SGCA: variants seen among roughly 807,000 people sequenced by gnomAD.
SGCA encodes the protein sarcoglycan alpha, also known as alpha-sarcoglycan.
Under a neutral mutation model 38.1 loss-of-function variants are expected in SGCA, and 34 were observed. The ratio of observed to expected loss-of-function variants is 0.89; its 90% confidence interval spans 0.68 to 1.19. The LOEUF is 1.19. SGCA is among the 50% of genes most tolerant of loss of function. The probability of loss-of-function intolerance (pLI) is 0.00; values close to 1 mark genes in which losing one functional copy is unlikely to be tolerated. For missense variants in SGCA, 476 were observed against 524.9 expected, an observed-to-expected ratio of 0.91 and a Z score of 0.91; for synonymous variants, 209 against 214.6, an observed-to-expected ratio of 0.97 and a Z score of 0.23.
At position 50,167,353 on chromosome 17, in the gene SGCA, G is replaced by T; in HGVS notation, c.38-15G>T. On this transcript the variant is annotated splice_polypyrimidine_tract_variant and intron_variant, in intron 1 of 9. Transcript: ENST00000262018. This position sits in a 1 kb window ranked among gnomAD's most constrained non-coding sequence, Gnocchi z 4.5. ...AGGCTGGCCTGTGTGTTTGGGACTT[G>T]TGGGGTCCCCACAGTTCTCCTGGCA... 1 of 1,614,032 alleles carries T rather than the reference G, an allele frequency of 6.2e-7. No homozygotes were observed. The highest frequency in any genetic ancestry group is 8.5e-7 in the Non-Finnish European group (1 of 1,179,994).
intron 8 of SGCA, among the ~76,000 whole-genome samples, chr17:50,174,052 C>T (rs1414662281): frequency 1.3e-5 from 2 of 152,210 alleles, no homozygotes; most frequent in Non-Finnish European, 2.9e-5. Context: ...GGTGCAGTGG[C>T]TCATGCCTGT....
chr17:50,170,686 G>A lies in SGCA; in HGVS notation c.983+20G>A, dbSNP rs748562980. ...CTCCGAGTGAGTAAAGGAAAGCTGGGGGTGGGGTGGGAGCCCACCTAGACA... is the reference window on the plus strand; with the variant it reads ...CTCCGAGTGAGTAAAGGAAAGCTGGAGGTGGGGTGGGAGCCCACCTAGACA... On this transcript the variant is annotated intron_variant, in intron 8 of 9. Coordinates refer to ENST00000262018, the MANE Select transcript of SGCA (RefSeq NM_000023.4). 15 of 1,555,544 alleles carry A rather than the reference G, an allele frequency of 9.6e-6. No homozygotes were observed. The Admixed American group carries it at 1.7e-4, about 18-fold the overall frequency.
rs373949696 is a variant in SGCA at position 50,167,323 on chromosome 17, G to A, written c.38-45G>A. On this transcript the variant is annotated intron_variant, in intron 1 of 9. Transcript: ENST00000262018. This position sits in a 1 kb window ranked among gnomAD's most constrained non-coding sequence, Gnocchi z 4.5. ...GGAAGGGAGCTTATCCCCTGCCCAGGACTGAGGCTGGCCTGTGTGTTTGGG... is the reference window on the plus strand; with the variant it reads ...GGAAGGGAGCTTATCCCCTGCCCAGAACTGAGGCTGGCCTGTGTGTTTGGG... 198 of 1,613,470 alleles carry A rather than the reference G, an allele frequency of 1.2e-4. No individual in the cohort carries two copies. The highest frequency in any genetic ancestry group is 7.2e-4 in the Admixed American group (43 of 60,026).
chr17:50,173,589 G>T (rs1905659019), intron 8 of SGCA, among the ~76,000 whole-genome samples: 1 of 152,204 alleles, frequency 6.6e-6, no homozygotes, highest in South Asian at 2.1e-4. Flanking sequence ...CAGATGTGGG[G>T]CTGGGAATAA....
intron 8 of SGCA, among the ~76,000 whole-genome samples, chr17:50,174,106 G>A (rs1308291472): frequency 6.6e-6 from 1 of 152,060 alleles, no homozygotes; most frequent in Non-Finnish European, 1.5e-5. Flanking sequence ...GTCCCTTGAG[G>A]CCAGGAGTTC....
chr17:50,171,818 G>A (rs574932400), intron 8 of SGCA: 30 of 456,776 alleles, frequency 6.6e-5, no homozygotes, highest in African/African-American at 5.2e-4. Flanking sequence ...CTTCTTCAGG[G>A]TGGCCAGGGA....
At position 50,170,139 on chromosome 17, in the gene SGCA, G is replaced by T; in HGVS notation, c.748-4G>T. Reference sequence around the variant, plus strand: ...CCTGCGTCAGCCCTGAGCTCTCTGTGCAGGTGGATAAGTCAGTGCCGGAGC... The same window carrying T: ...CCTGCGTCAGCCCTGAGCTCTCTGTTCAGGTGGATAAGTCAGTGCCGGAGC... On this transcript the variant is annotated splice_polypyrimidine_tract_variant and splice_region_variant and intron_variant, in intron 6 of 9. Transcript: ENST00000262018. 6.2e-7 allele frequency: 1 copy of T among 1,613,732 alleles called. No individual in the cohort carries two copies. The highest frequency in any genetic ancestry group is 8.5e-7 in the Non-Finnish European group (1 of 1,179,700).
chr17:50,168,541 G>T lies in SGCA; in HGVS notation c.553G>T (p.Val185Phe). The T allele has an allele frequency of 6.4e-7, 1 of 1,574,196 alleles. No homozygotes were observed. The highest frequency in any genetic ancestry group is 8.6e-7 in the Non-Finnish European group (1 of 1,159,142). ...VTSALDRGGR[V>F]PLPIEGRKEG... ...CTCTGCCTTGGACCGTGGGGGCCGT[G>T]TCCCCCTTCCCATTGAGGGCCGAAA... Residue 185 changes from valine (V) to phenylalanine (F), a missense_variant, in exon 5 of 10, where the codon GTC (valine) becomes TTC (phenylalanine). Physicochemically the swap from Val to Phe is conservative, Grantham distance 50 (BLOSUM62 -1). Transcript: ENST00000262018.
intron 8 of SGCA, among the ~76,000 whole-genome samples, chr17:50,173,187 C>T (rs1368990466): frequency 1.3e-5 from 2 of 152,240 alleles, no homozygotes; most frequent in African/African-American, 4.8e-5. Context: ...TGTATTTCTA[C>T]AAAATCCAAT....
intron 8 of SGCA, among the ~76,000 whole-genome samples, chr17:50,173,832 G>A (rs1186841173): frequency 6.6e-6 from 1 of 152,198 alleles, no homozygotes; most frequent in Admixed American, 6.5e-5. Flanking sequence ...CCTCCCCGCA[G>A]GAGGAGCATG....
intron 8 of SGCA, 42 bp downstream of exon 8, chr17:50,170,708 G>C: frequency 6.6e-7 from 1 of 1,521,018 alleles, no homozygotes; most frequent in Non-Finnish European, 8.9e-7. Flanking sequence ...AGCCCACCTA[G>C]ACAGTTGTTG....
rs1905050775 is a variant in SGCA at position 50,167,840 on chromosome 17, A to G, written c.312+104A>G. ...GGTGCTCATTCACAGTCATTTACAT[A>G]TAATTTACATACCTCTAATTTGGTA... On this transcript the variant is annotated intron_variant, in intron 3 of 9. Coordinates refer to ENST00000262018, the MANE Select transcript of SGCA (RefSeq NM_000023.4). The surrounding 1 kb of genome is among the most constrained non-coding windows in gnomAD (Gnocchi z 4.5). 6.5e-7 allele frequency: 1 copy of G among 1,533,456 alleles called. No homozygotes were observed. Among genetic ancestry groups the G allele is most frequent in the African/African-American group, 1.4e-5 (1 of 73,236 alleles). 95.0% of individuals were successfully genotyped at this position (1,533,456 alleles called of 1,614,324 possible). A position where few individuals can be genotyped will look rare whatever the true frequency, so the allele number is the denominator to read the frequency against.
intron 6 of SGCA, chr17:50,169,754 T>C: frequency 5.2e-6 from 2 of 383,604 alleles, no homozygotes; most frequent in Admixed American, 3.8e-5. Flanking sequence ...ACACTGTTCC[T>C]GTGAATTGAC....
intron 5 of SGCA, 92 bp downstream of exon 5, chr17:50,168,664 C>A (rs1412870401): frequency 2.6e-6 from 3 of 1,132,218 alleles, no homozygotes; most frequent in Non-Finnish European, 3.9e-6. Flanking sequence ...CCAGGTGGGG[C>A]TTTACCACGC....
At chr17:50,172,858 A>G (rs1475787766) in intron 8 of SGCA, among the ~76,000 whole-genome samples, 1 of 152,254 alleles carries the variant, frequency 6.6e-6, no homozygotes, top group East Asian at 1.9e-4. Flanking sequence ...TATACAAAGC[A>G]GTTAAAAGGC....
chr17:50,167,856 T>C lies in SGCA; in HGVS notation c.313-91T>C. ...CATTTACATATAATTTACATACCTC[T>C]AATTTGGTATCTGAGTCCTCTCCTG... On this transcript the variant is annotated intron_variant, in intron 3 of 9. Coordinates refer to ENST00000262018, the MANE Select transcript of SGCA (RefSeq NM_000023.4). The surrounding 1 kb of genome is among the most constrained non-coding windows in gnomAD (Gnocchi z 4.5). 1 of 1,522,484 alleles carries C rather than the reference T, an allele frequency of 6.6e-7. No homozygotes were observed. 94.3% of individuals were successfully genotyped at this position (1,522,484 alleles called of 1,614,324 possible).
rs1341792485 is a variant in SGCA, at chr17:50,167,292, T to C, written c.38-76T>C. 6.2e-7 allele frequency: 1 copy of C among 1,602,700 alleles called. No individual in the cohort carries two copies. The highest frequency in any genetic ancestry group is 8.5e-7 in the Non-Finnish European group (1 of 1,172,712). The stretch of plus-strand genomic sequence containing the variant: ...CGGTCCCTTAGGGGCTCCAAGGACT[T>C]GGTGGGGAAGGGAGCTTATCCCCTG... On this transcript the variant is annotated intron_variant, in intron 1 of 9. Transcript: ENST00000262018. The surrounding 1 kb of genome is among the most constrained non-coding windows in gnomAD (Gnocchi z 4.5).
chr17:50,168,645 C>T (rs1905132267), intron 5 of SGCA, 73 bp downstream of exon 5: 2 of 1,384,584 alleles, frequency 1.4e-6, no homozygotes, highest in Non-Finnish European at 1.0e-6. Flanking sequence ...ACAAGGGTCT[C>T]CCTAATTTCC....
chr17:50,170,234 A>C lies in SGCA; in HGVS notation c.839A>C (p.Glu280Ala). Residue 280 changes from glutamate to alanine, a missense_variant, in exon 7 of 10, where the codon GAG (glutamate) becomes GCG (alanine). Coordinates refer to ENST00000262018, the MANE Select transcript of SGCA (RefSeq NM_000023.4). ...EHDPFFCPPT[E>A]APDRDFLVDA... ...GACCCGTTCTTCTGCCCACCCACTGAGGCCCCAGACCGTGACTTCTTGGTG... is the reference window on the plus strand; with the variant it reads ...GACCCGTTCTTCTGCCCACCCACTGCGGCCCCAGACCGTGACTTCTTGGTG... The C allele has an allele frequency of 1.2e-6, 2 of 1,613,940 alleles. No individual in the cohort carries two copies.
Sources: allele counts gnomAD v4.1 joint callset (sites outside exome capture counted in the v4.1 genomes callset), GRCh38; gene constraint gnomAD v4.1.1; non-coding constraint Gnocchi (gnomAD v3.1); transcripts MANE v1.5; gene names NCBI Gene and HGNC (gene_info 2026-07-23, HGNC 2026-07-21).